SOX6: variants seen among roughly 807,000 people sequenced by gnomAD.
SOX6 encodes the protein SRY-box transcription factor 6.
In SOX6, 11 loss-of-function variants were observed where a neutral mutation model predicts 97.8. The ratio of observed to expected loss-of-function variants is 0.11; its 90% CI spans 0.07 to 0.19. The LOEUF is 0.19. Among genes scored for constraint, SOX6 ranks in the 10% least tolerant of loss-of-function variants. The pLI, the probability that SOX6 is intolerant of heterozygous loss-of-function variation, is 1.00. For synonymous variants in SOX6, 360 were observed against 371.4 expected (o/e 0.97, Z 0.35); for missense variants, 810 against 1,039.5 (o/e 0.78, Z 3.04).
At chr11:16,476,451 A>G (rs776622510), upstream of SOX6, 1 of 152,260 alleles carries the variant, frequency 6.6e-6, no homozygotes, top group Non-Finnish European at 1.5e-5. Context: ...ATGCTTTATT[A>G]AAGAAGTATA....
At chr11:16,106,127 C>A (rs1473665797) in intron 7 of SOX6, among the ~76,000 whole-genome samples, 1 of 151,918 alleles carries the variant, frequency 6.6e-6, no homozygotes, top group Non-Finnish European at 1.5e-5. Flanking sequence ...GCAATACTAC[C>A]CAAAGCAACC....
intron 2 of SOX6, among the ~76,000 whole-genome samples, chr11:16,321,964 A>C (rs925701565): frequency 6.6e-6 from 1 of 152,186 alleles, no homozygotes; most frequent in Non-Finnish European, 1.5e-5. Context: ...GTAAATTAAT[A>C]AACTTATAAT....
chr11:16,040,102 C>T (rs767873974), intron 12 of SOX6, among the ~76,000 whole-genome samples: 2 of 151,958 alleles, frequency 1.3e-5, no homozygotes, highest in African/African-American at 2.4e-5. Context: ...CTGAATATAT[C>T]GAATTTTAGC....
chr11:16,332,662 C>T (rs1258380042), intron 2 of SOX6, among the ~76,000 whole-genome samples: 3 of 151,828 alleles, frequency 2.0e-5, no homozygotes, highest in Admixed American at 1.3e-4. Flanking sequence ...ATTTTATTAG[C>T]AAAGGTTTGT....
intron 4 of SOX6, among the ~76,000 whole-genome samples, chr11:16,573,912 T>C (rs1272567961): frequency 6.6e-6 from 1 of 152,198 alleles, no homozygotes; most frequent in African/African-American, 2.4e-5. Flanking sequence ...TACTACTGCC[T>C]TGAACTGTTA....
At chr11:16,350,232 C>T (rs528175349) in intron 1 of SOX6, among the ~76,000 whole-genome samples, 3 of 152,068 alleles carry the variant, frequency 2.0e-5, no homozygotes, top group East Asian at 1.9e-4. Flanking sequence ...TATTTTATTA[C>T]GAAGGAGTAG....
chr11:16,726,314 G>C (rs1590066187), intron 2 of SOX6, among the ~76,000 whole-genome samples: 1 of 152,314 alleles, frequency 6.6e-6, no homozygotes, highest in East Asian at 1.9e-4. Context: ...CTACGCAGGA[G>C]GCTGGGGCAC....
intron 3 of SOX6, among the ~76,000 whole-genome samples, chr11:16,692,135 G>A (rs1848019752): frequency 6.6e-6 from 1 of 151,826 alleles, no homozygotes; most frequent in Middle Eastern, 3.4e-3. Flanking sequence ...AGGCAGTGGC[G>A]TGATCTCGGC....
intron 4 of SOX6, among the ~76,000 whole-genome samples, chr11:16,522,191 A>C (rs913577956): frequency 1.3e-5 from 2 of 152,186 alleles, no homozygotes; most frequent in Admixed American, 6.5e-5. Context: ...GATTCACCAA[A>C]GTTGAAATGA....
chr11:16,628,229 A>C (rs1332175634), intron 3 of SOX6, among the ~76,000 whole-genome samples: 1 of 152,116 alleles, frequency 6.6e-6, no homozygotes. Context: ...AGGTAATGTG[A>C]TGCCTCCAGC....
intron 3 of SOX6, among the ~76,000 whole-genome samples, chr11:16,653,600 A>G (rs1847683569): frequency 6.6e-6 from 1 of 152,180 alleles, no homozygotes; most frequent in African/African-American, 2.4e-5. Context: ...GAATTATACA[A>G]TGGACTTTGG....
chr11:16,234,553 T>G, intron 4 of SOX6, 29 bp downstream of exon 4: 15 of 1,290,212 alleles, frequency 1.2e-5, no homozygotes, highest in Non-Finnish European at 1.6e-5. Context: ...ATCACTGCAT[T>G]GACATGTTCG....
chr11:16,537,090 G>A (rs1861321170), intron 4 of SOX6, among the ~76,000 whole-genome samples: 1 of 152,084 alleles, frequency 6.6e-6, no homozygotes, highest in Non-Finnish European at 1.5e-5. Context: ...TGCCCCTCTG[G>A]GACAAAGCTT....
At chr11:16,292,872 G>A (rs748334971) in intron 3 of SOX6, among the ~76,000 whole-genome samples, 5 of 152,072 alleles carry the variant, frequency 3.3e-5, no homozygotes, top group Non-Finnish European at 5.9e-5. Flanking sequence ...TTTAACGCTC[G>A]GTGCTTAGTT....
intron 6 of SOX6, among the ~76,000 whole-genome samples, chr11:16,128,533 G>A (rs1274124381): frequency 1.3e-5 from 2 of 152,126 alleles, no homozygotes; most frequent in South Asian, 2.1e-4. Context: ...ACTTAAGAAC[G>A]ACCAAACTAA....
At chr11:16,120,115 C>G (rs1013559264) in intron 6 of SOX6, among the ~76,000 whole-genome samples, 4 of 145,150 alleles carry the variant, frequency 2.8e-5, no homozygotes, top group Admixed American at 1.4e-4. Flanking sequence ...TCTCTCCCCC[C>G]ACCCCTTTCT....
At chr11:16,210,023 C>G (rs1044207850) in intron 4 of SOX6, among the ~76,000 whole-genome samples, 1 of 151,864 alleles carries the variant, frequency 6.6e-6, no homozygotes, top group Non-Finnish European at 1.5e-5. Context: ...AAAGTGAAAC[C>G]CACATACACT....
intron 4 of SOX6, among the ~76,000 whole-genome samples, chr11:16,533,949 T>C (rs1861273065): frequency 1.3e-5 from 2 of 152,158 alleles, no homozygotes; most frequent in Admixed American, 1.3e-4. Context: ...GTTTTTGTCT[T>C]GTGTGCACCT....
At chr11:16,066,295 C>A (rs977185282) in intron 9 of SOX6, among the ~76,000 whole-genome samples, 1 of 152,134 alleles carries the variant, frequency 6.6e-6, no homozygotes, top group Non-Finnish European at 1.5e-5. Flanking sequence ...TCCCTGTACA[C>A]TGTTGGTGAG....
Sources: allele counts gnomAD v4.1 joint callset (sites outside exome capture counted in the v4.1 genomes callset), GRCh38; gene constraint gnomAD v4.1.1; transcripts MANE v1.5; gene names NCBI Gene and HGNC (gene_info 2026-07-23, HGNC 2026-07-21).